The following PARD3B variants were observed in gnomAD, a reference collection of about 807,000 sequenced individuals.
PARD3B encodes par-3 family cell polarity regulator beta.
PARD3B carries 103 observed loss-of-function variants against 130.2 expected under a neutral mutation model. The observed-to-expected ratio is 0.79, with a 90% CI of 0.67 to 0.93. The LOEUF (loss-of-function observed/expected upper bound fraction) is 0.93. Ranked by LOEUF, PARD3B falls within the 40% of genes least tolerant of loss-of-function variation. The pLI, the probability that PARD3B is intolerant of heterozygous loss-of-function variation, is 0.00. For missense variants in PARD3B, 1,609 were observed against 1,499.2 expected (o/e 1.07, Z -1.21); for synonymous variants, 583 against 553.2 (o/e 1.05, Z -0.76).
chr2:204,911,026 A>G (rs541684024), intron 2 of PARD3B, among the ~76,000 whole-genome samples: 4 of 152,182 alleles, frequency 2.6e-5, no homozygotes, highest in Non-Finnish European at 4.4e-5. Flanking sequence ...AATGAAAGTG[A>G]CTATTTTAAT....
intron 2 of PARD3B, among the ~76,000 whole-genome samples, chr2:204,868,458 T>C (rs562670471): frequency 1.3e-5 from 2 of 151,948 alleles, no homozygotes; most frequent in African/African-American, 4.8e-5. Flanking sequence ...ATATATGAGG[T>C]TTAAAAATTA....
rs183317613 is a variant in PARD3B, at chr2:204,877,138, C to G, written c.223-88014C>G. ...AACCATCATTCTCAGCAAACTGTCG[C>G]AAGGACAGAAAACCGAACACCGCAT... On this transcript the variant is annotated intron_variant, in intron 2 of 22. Transcript: ENST00000406610. Among the ~76,000 whole-genome samples, 448 of 152,150 alleles carry G rather than the reference C, an allele frequency of 2.9e-3. 1 individual carries two copies. The highest frequency in any genetic ancestry group is 1.0e-2 in the African/African-American group (414 of 41,506).
chr2:205,029,137 G>C (rs1697242424), intron 3 of PARD3B, among the ~76,000 whole-genome samples: 1 of 152,050 alleles, frequency 6.6e-6, no homozygotes, highest in Non-Finnish European at 1.5e-5. Context: ...CTCAGTTTCT[G>C]ACTCATATTT....
intron 4 of PARD3B, among the ~76,000 whole-genome samples, chr2:205,056,084 A>G (rs780271720): frequency 2.6e-5 from 4 of 152,128 alleles, no homozygotes; most frequent in Non-Finnish European, 5.9e-5. Context: ...GACTGATGAC[A>G]TAGGAGGAAA....
chr2:205,448,576 G>T (rs7562729), intron 20 of PARD3B, among the ~76,000 whole-genome samples: 24,548 of 152,040 alleles, frequency 0.16, 3,875 homozygotes, highest in African/African-American at 0.41. Flanking sequence ...TTTAAAGTAT[G>T]GATTTTTGTA....
chr2:204,868,625 G>A (rs894095527), intron 2 of PARD3B, among the ~76,000 whole-genome samples: 2 of 152,162 alleles, frequency 1.3e-5, no homozygotes, highest in East Asian at 3.9e-4. Context: ...CTCTGCTACT[G>A]TAACAACTTC....
intron 18 of PARD3B, among the ~76,000 whole-genome samples, chr2:205,392,812 G>C (rs186486458): frequency 9.2e-5 from 14 of 152,282 alleles, no homozygotes; most frequent in South Asian, 2.1e-4. Flanking sequence ...AAAGCTACAG[G>C]CATAGCCAAG....
At chr2:204,910,128 T>C (rs1243286401) in intron 2 of PARD3B, among the ~76,000 whole-genome samples, 1 of 152,270 alleles carries the variant, frequency 6.6e-6, no homozygotes. Flanking sequence ...AAAGATATGA[T>C]TGGACAAAGG....
intron 22 of PARD3B, among the ~76,000 whole-genome samples, chr2:205,569,927 C>T (rs955922095): frequency 1.3e-5 from 2 of 152,176 alleles, no homozygotes; most frequent in Non-Finnish European, 2.9e-5. Flanking sequence ...CTGACACACA[C>T]ACCCCTCATC....
At chr2:205,520,126 C>A (rs944664638) in intron 21 of PARD3B, among the ~76,000 whole-genome samples, 1 of 152,192 alleles carries the variant, frequency 6.6e-6, no homozygotes, top group South Asian at 2.1e-4. Context: ...AAGGAAGGGA[C>A]CTTAGTAGTG....
intron 2 of PARD3B, among the ~76,000 whole-genome samples, chr2:204,709,589 C>G (rs552574269): frequency 6.6e-6 from 1 of 152,234 alleles, no homozygotes; most frequent in African/African-American, 2.4e-5. Flanking sequence ...CACAGTGGAC[C>G]ATCTACCTAG....
Position 205,463,047 on chromosome 2 carries a change from A to T in PARD3B, c.3044+22375A>T, listed in dbSNP as rs1382707054. ...CAGAGTCCTAGTTAGAGAAAAAGTC[A>T]TCTCAGCATCAACTGACAATTATTT... On this transcript the variant is annotated intron_variant, in intron 20 of 22. Transcript: ENST00000406610. The surrounding 1 kb of genome is among the most constrained non-coding windows in gnomAD (Gnocchi z 4.8). Among the ~76,000 whole-genome samples the T allele has an allele frequency of 1.3e-5, 2 of 152,126 alleles. No individual in the cohort carries two copies. The highest frequency in any genetic ancestry group is 2.4e-5 in the African/African-American group (1 of 41,422).
intron 1 of PARD3B, among the ~76,000 whole-genome samples, chr2:204,665,471 G>A (rs1279597215): frequency 6.6e-6 from 1 of 152,120 alleles, no homozygotes; most frequent in African/African-American, 2.4e-5. Flanking sequence ...TCCTCAACCA[G>A]TGGATGAAAA....
intron 16 of PARD3B, among the ~76,000 whole-genome samples, chr2:205,256,407 T>G (rs1351682231): frequency 1.3e-5 from 2 of 152,182 alleles, no homozygotes; most frequent in African/African-American, 2.4e-5. Flanking sequence ...AGAATATGGA[T>G]TCTGCCCCTA....
intron 18 of PARD3B, among the ~76,000 whole-genome samples, chr2:205,322,257 G>A (rs1302328077): frequency 6.6e-6 from 1 of 152,184 alleles, no homozygotes; most frequent in Non-Finnish European, 1.5e-5. Flanking sequence ...GCCTAGTCAG[G>A]AAGAGTGGTC....
chr2:205,172,805 A>G (rs914752884), intron 12 of PARD3B, among the ~76,000 whole-genome samples: 3 of 152,176 alleles, frequency 2.0e-5, no homozygotes, highest in Admixed American at 2.0e-4. Context: ...CAGACCTGAG[A>G]CTTAACTAAT....
At chr2:204,725,404 T>C (rs1388048410) in intron 2 of PARD3B, among the ~76,000 whole-genome samples, 2 of 152,186 alleles carry the variant, frequency 1.3e-5, no homozygotes. Flanking sequence ...GTAAAAACTA[T>C]AGCAAACACA....
intron 2 of PARD3B, among the ~76,000 whole-genome samples, chr2:204,741,956 G>A (rs1454682130): frequency 6.6e-6 from 1 of 152,048 alleles, no homozygotes; most frequent in African/African-American, 2.4e-5. Flanking sequence ...TGGTCCCTGG[G>A]CCAATAGTAT....
intron 2 of PARD3B, among the ~76,000 whole-genome samples, chr2:204,757,719 A>G (rs530860326): frequency 6.6e-6 from 1 of 152,300 alleles, no homozygotes. Context: ...TTTATTTAAA[A>G]TTCAGATGAC....
Sources: gnomAD v4.1 joint callset for allele counts (sites outside exome capture counted in the v4.1 genomes callset) on GRCh38, gnomAD v4.1.1 for gene constraint, Gnocchi (gnomAD v3.1) non-coding constraint, MANE v1.5 for transcripts, NCBI Gene and HGNC (gene_info 2026-07-23, HGNC 2026-07-21) for gene names.